The following CDK5RAP2 variants were observed in gnomAD, a reference collection of about 807,000 sequenced individuals.
CDK5RAP2 encodes CDK5 regulatory subunit associated protein 2.
A neutral mutation model predicts 232.9 loss-of-function variants in CDK5RAP2; 147 were observed. The ratio of observed to expected loss-of-function variants is 0.63; its 90% confidence interval spans 0.55 to 0.72. The LOEUF (loss-of-function observed/expected upper bound fraction) is 0.72. CDK5RAP2 is among the 30% of genes least tolerant of loss of function. CDK5RAP2 has a pLI of 0.00. For missense variants in CDK5RAP2, 2,195 were observed against 2,231.5 expected (o/e 0.98, Z 0.33); for synonymous variants, 833 against 833.7 (o/e 1.00, Z 0.01).
intron 34 of CDK5RAP2, chr9:120,401,101 C>T (rs968268190): frequency 1.7e-6 from 1 of 571,668 alleles, no homozygotes; most frequent in Non-Finnish European, 3.1e-6. Context: ...CAATCAATAA[C>T]CATGATTAAT....
chr9:120,518,414 G>A lies in CDK5RAP2; in HGVS notation c.1311+13C>T, dbSNP rs2040459237. The A allele has an allele frequency of 3.7e-6, 6 of 1,609,284 alleles. No homozygotes were observed. The highest frequency in any genetic ancestry group is 5.1e-6 in the Non-Finnish European group (6 of 1,176,532). On this transcript the variant is annotated intron_variant, in intron 12 of 37. Transcript: ENST00000349780. ...CACTGTCCACTGTGTCAGAAGGGCAGGGCGGTACTCACACGGATGGTGCAG... is the reference window on the plus strand; with the variant it reads ...CACTGTCCACTGTGTCAGAAGGGCAAGGCGGTACTCACACGGATGGTGCAG...
At position 120,442,911 on chromosome 9, in the gene CDK5RAP2, A is replaced by G. The variant is rs547142949; in HGVS notation, c.3148+709T>C. On this transcript the variant is annotated intron_variant, in intron 23 of 37. Transcript: ENST00000349780. Reference sequence around the variant, plus strand: ...GACAAATTTAGGATTCTTGAGGACAATTATTTCTAACAGAGTGAATTAGAT... The same window carrying G: ...GACAAATTTAGGATTCTTGAGGACAGTTATTTCTAACAGAGTGAATTAGAT... Among the ~76,000 whole-genome samples, 7 of 152,288 alleles carry G rather than the reference A, an allele frequency of 4.6e-5. No homozygotes were observed. The East Asian group carries it at 5.8e-4, about 13-fold the overall frequency.
intron 36 of CDK5RAP2, among the ~76,000 whole-genome samples, chr9:120,393,300 G>A (rs1257018669): frequency 6.6e-6 from 1 of 152,186 alleles, no homozygotes; most frequent in Admixed American, 6.5e-5. Flanking sequence ...TCTGTCCCCA[G>A]GACCTGGCGT....
chr9:120,414,192 T>G (rs2034065206), intron 28 of CDK5RAP2, among the ~76,000 whole-genome samples: 1 of 152,232 alleles, frequency 6.6e-6, no homozygotes, highest in African/African-American at 2.4e-5. Flanking sequence ...TAACATTGCC[T>G]CATTTAATCT....
intron 3 of CDK5RAP2, among the ~76,000 whole-genome samples, chr9:120,564,699 G>A (rs1228730109): frequency 6.6e-6 from 1 of 152,076 alleles, no homozygotes; most frequent in Non-Finnish European, 1.5e-5. Flanking sequence ...TGAGTATTGA[G>A]AATGGAAAGT....
chr9:120,444,280 T>A (rs964639281), intron 22 of CDK5RAP2, among the ~76,000 whole-genome samples: 1 of 152,160 alleles, frequency 6.6e-6, no homozygotes, highest in Non-Finnish European at 1.5e-5. Context: ...ATTTGAATTT[T>A]AAAAAATGGC....
intron 12 of CDK5RAP2, among the ~76,000 whole-genome samples, chr9:120,503,260 C>T (rs1001819097): frequency 2.0e-5 from 3 of 152,178 alleles, no homozygotes; most frequent in African/African-American, 7.2e-5. Flanking sequence ...CTGAGGCCCT[C>T]CTTCTAATGA....
intron 12 of CDK5RAP2, among the ~76,000 whole-genome samples, chr9:120,512,567 T>C (rs930323496): frequency 1.3e-5 from 2 of 152,250 alleles, no homozygotes; most frequent in Non-Finnish European, 2.9e-5. Context: ...GAATGTATTA[T>C]TCTGGTCTGT....
intron 3 of CDK5RAP2, among the ~76,000 whole-genome samples, chr9:120,553,241 T>C (rs1279320322): frequency 6.6e-6 from 1 of 152,178 alleles, no homozygotes; most frequent in Non-Finnish European, 1.5e-5. Flanking sequence ...CTATGATCTG[T>C]CAATTCAGCC....
intron 25 of CDK5RAP2, among the ~76,000 whole-genome samples, chr9:120,427,753 G>A (rs2035008018): frequency 6.6e-6 from 1 of 152,192 alleles, no homozygotes; most frequent in Non-Finnish European, 1.5e-5. Flanking sequence ...TCATGGAAGA[G>A]GGGAAATGCA....
chr9:120,541,254 G>A (rs1222707533), intron 5 of CDK5RAP2, among the ~76,000 whole-genome samples: 5 of 152,092 alleles, frequency 3.3e-5, no homozygotes, highest in Admixed American at 6.5e-5. Flanking sequence ...CAAATAGGCC[G>A]TCTCCCTCCT....
chr9:120,496,482 C>A (rs1263694321), intron 12 of CDK5RAP2, among the ~76,000 whole-genome samples: 1 of 123,124 alleles, frequency 8.1e-6, no homozygotes, highest in Non-Finnish European at 1.7e-5. Flanking sequence ...CCCCTCTGCC[C>A]GGCCAGCCGC....
chr9:120,418,554 A>C (rs751798360), intron 27 of CDK5RAP2, among the ~76,000 whole-genome samples: 2 of 152,222 alleles, frequency 1.3e-5, no homozygotes, highest in Non-Finnish European at 2.9e-5. Context: ...GATACAATAC[A>C]GAAGAAGTGG....
intron 27 of CDK5RAP2, among the ~76,000 whole-genome samples, chr9:120,418,021 G>A (rs1418578095): frequency 6.6e-6 from 1 of 152,214 alleles, no homozygotes; most frequent in South Asian, 2.1e-4. Flanking sequence ...ATGATGTTAT[G>A]TAATAACATG....
chr9:120,392,702 C>T (rs922956183), intron 36 of CDK5RAP2, among the ~76,000 whole-genome samples: 3 of 152,228 alleles, frequency 2.0e-5, no homozygotes, highest in Admixed American at 6.5e-5. Context: ...TCCAGGTTCC[C>T]CTCAGTGCTC....
intron 3 of CDK5RAP2, among the ~76,000 whole-genome samples, chr9:120,553,072 A>G (rs947348194): frequency 1.3e-5 from 2 of 152,328 alleles, no homozygotes; most frequent in Admixed American, 6.5e-5. Context: ...TTTACTGAGA[A>G]CCTACCATGT....
At chr9:120,410,267 A>G (rs2033763959) in intron 29 of CDK5RAP2, among the ~76,000 whole-genome samples, 1 of 152,110 alleles carries the variant, frequency 6.6e-6, no homozygotes, top group Non-Finnish European at 1.5e-5. Context: ...TCCTCCCTCA[A>G]GCGCCAGACA....
At chr9:120,498,286 C>G (rs2039410771) in intron 12 of CDK5RAP2, among the ~76,000 whole-genome samples, 1 of 152,184 alleles carries the variant, frequency 6.6e-6, no homozygotes, top group Admixed American at 6.5e-5. Flanking sequence ...TCCTTTGACT[C>G]CGACGGACTT....
intron 35 of CDK5RAP2, among the ~76,000 whole-genome samples, chr9:120,395,127 T>C (rs2032346773): frequency 6.6e-6 from 1 of 152,222 alleles, no homozygotes; most frequent in Non-Finnish European, 1.5e-5. Flanking sequence ...TAGAGCTCTA[T>C]GCATTGATAT....
Sources: gnomAD v4.1 joint callset for allele counts (sites outside exome capture counted in the v4.1 genomes callset) on GRCh38, gnomAD v4.1.1 for gene constraint, MANE v1.5 for transcripts, NCBI Gene and HGNC (gene_info 2026-07-23, HGNC 2026-07-21) for gene names.